DZIP3: variants seen among roughly 807,000 people sequenced by gnomAD.
DZIP3 encodes the protein DAZ interacting zinc finger protein 3, also known as E3 ubiquitin-protein ligase DZIP3.
In DZIP3, 118 loss-of-function variants were observed where a neutral mutation model predicts 162.0. The observed-to-expected ratio is 0.73, with a 90% CI of 0.63 to 0.85. The LOEUF is 0.85. Ranked by LOEUF, DZIP3 falls within the 40% of genes least tolerant of loss-of-function variation. The pLI is 0.00. For synonymous variants in DZIP3, 438 were observed against 458.6 expected (o/e 0.96, Z 0.57); for missense variants, 1,331 against 1,407.0 (o/e 0.95, Z 0.86).
In DZIP3 at chr3:108,594,412, CCCCTCCCCCCT is replaced by C. The variant is rs201383784; in HGVS notation, c.-73+4581_-73+4591del. Among the ~76,000 whole-genome samples the C allele has an allele frequency of 8.9e-3, 928 of 104,016 alleles. 18 individuals are homozygous for C. The highest frequency in any genetic ancestry group is 0.031 in the African/African-American group (853 of 27,626). The allele number at this position is 104,016 out of a possible 152,430, so 68.2% of individuals were successfully genotyped here. A position where few individuals can be genotyped will look rare whatever the true frequency, so the allele number is the denominator to read the frequency against. On this transcript the variant is annotated intron_variant, in intron 1 of 32. Coordinates refer to ENST00000361582, the MANE Select transcript of DZIP3 (RefSeq NM_014648.4). ...ATCTCTCTCTCTCTCTCTCCCCCCT[CCCCTCCCCCCT>C]CCCTCCCTGCTCCCCCCCCATATAT...
At chr3:108,649,142 G>A (rs763090719) in intron 17 of DZIP3, among the ~76,000 whole-genome samples, 180 bp downstream of exon 17, 25 of 151,694 alleles carry the variant, frequency 1.6e-4, no homozygotes, top group Non-Finnish European at 2.2e-4. Context: ...TTTGAAGTAC[G>A]AAATACAATT....
chr3:108,659,870 A>G (rs1202557496), intron 19 of DZIP3, among the ~76,000 whole-genome samples: 1 of 152,130 alleles, frequency 6.6e-6, no homozygotes, highest in African/African-American at 2.4e-5. Context: ...CCAAATCATG[A>G]GTGAACTCCC....
At chr3:108,688,225 C>T in intron 29 of DZIP3, 129 bp downstream of exon 29, 1 of 1,140,038 alleles carries the variant, frequency 8.8e-7, no homozygotes, top group Non-Finnish European at 1.2e-6. Context: ...CATCTATTAA[C>T]AGTAAATAAC....
intron 4 of DZIP3, among the ~76,000 whole-genome samples, chr3:108,611,919 A>G (rs945399330): frequency 1.3e-5 from 2 of 151,500 alleles, no homozygotes; most frequent in African/African-American, 4.9e-5. Flanking sequence ...AGCCGAGATC[A>G]TGCCACTGCA....
rs552962359 is a variant in DZIP3 at position 108,678,414 on chromosome 3, T to C, written c.2883+816T>C. Among the ~76,000 whole-genome samples, 9 of 152,176 alleles carry C rather than the reference T, an allele frequency of 5.9e-5. No homozygotes were observed. The East Asian group carries it at 1.4e-3, about 23-fold the overall frequency. Reference sequence around the variant, plus strand: ...AAACCAGTCCCTGGTGCCGAAAAGATTGGGGACCGCTGCACGAAATGACTG... The same window carrying C: ...AAACCAGTCCCTGGTGCCGAAAAGACTGGGGACCGCTGCACGAAATGACTG... On this transcript the variant is annotated intron_variant, in intron 26 of 32. Transcript: ENST00000361582.
At chr3:108,609,806 A>G (rs1576353985) in intron 3 of DZIP3, among the ~76,000 whole-genome samples, 1 of 152,132 alleles carries the variant, frequency 6.6e-6, no homozygotes, top group Non-Finnish European at 1.5e-5. Context: ...ATGCCACTGC[A>G]CTCCAGCCTA....
chr3:108,636,847 C>G (rs1942172118), intron 11 of DZIP3, 139 bp downstream of exon 11: 2 of 583,342 alleles, frequency 3.4e-6, no homozygotes, highest in Non-Finnish European at 6.0e-6. Context: ...GCTCTTGAAC[C>G]TTTTTATTAC....
At chr3:108,602,608 G>T (rs1023368062) in intron 1 of DZIP3, among the ~76,000 whole-genome samples, 2 of 152,172 alleles carry the variant, frequency 1.3e-5, no homozygotes, top group African/African-American at 4.8e-5. Context: ...GAATACGCTA[G>T]GGGAAACTAG....
intron 19 of DZIP3, among the ~76,000 whole-genome samples, chr3:108,658,136 G>A (rs563863354): frequency 0.028 from 4,302 of 152,034 alleles, 212 homozygotes; most frequent in African/African-American, 0.098. Context: ...TGCACCAAGC[G>A]GACCTAATAG....
At chr3:108,681,392 G>A (rs544483289) in intron 26 of DZIP3, among the ~76,000 whole-genome samples, 8 of 152,102 alleles carry the variant, frequency 5.3e-5, no homozygotes, top group East Asian at 3.9e-4. Context: ...ACCATCTCAC[G>A]CCAGTTAGAA....
In DZIP3 at chr3:108,669,757, C is replaced by A. The variant is rs770116109; in HGVS notation, c.2492+8C>A. On this transcript the variant is annotated splice_region_variant and intron_variant, in intron 22 of 32. Transcript: ENST00000361582. ...GCAACTTTCTATGAAAAGGTACAAA[C>A]TTAGCTTTTTCTTTGGGTGCACTCT... The A allele has an allele frequency of 6.2e-7, 1 of 1,604,102 alleles. No individual in the cohort carries two copies. The highest frequency in any genetic ancestry group is 8.5e-7 in the Non-Finnish European group (1 of 1,172,450).
At chr3:108,653,791 G>A (rs1942981654) in intron 18 of DZIP3, among the ~76,000 whole-genome samples, 1 of 151,908 alleles carries the variant, frequency 6.6e-6, no homozygotes, top group African/African-American at 2.4e-5. Flanking sequence ...AAATAATGTA[G>A]CAGATGTGGA....
intron 4 of DZIP3, among the ~76,000 whole-genome samples, chr3:108,613,094 A>G (rs1008153031): frequency 6.6e-6 from 1 of 152,116 alleles, no homozygotes; most frequent in African/African-American, 2.4e-5. Context: ...TCAATACTGC[A>G]TATTAAAACA....
At chr3:108,679,221 A>G (rs1334164079) in intron 26 of DZIP3, among the ~76,000 whole-genome samples, 2 of 152,090 alleles carry the variant, frequency 1.3e-5, no homozygotes, top group Non-Finnish European at 2.9e-5. Context: ...ATGGGTCCAG[A>G]GACTGTGAAG....
intron 4 of DZIP3, among the ~76,000 whole-genome samples, chr3:108,611,582 A>G (rs1305169101): frequency 1.3e-5 from 2 of 152,186 alleles, no homozygotes; most frequent in Middle Eastern, 3.2e-3. Context: ...TGTTGACTAC[A>G]AGGTCTAGTG....
chr3:108,599,244 C>T (rs1175145416), intron 1 of DZIP3, among the ~76,000 whole-genome samples: 1 of 152,104 alleles, frequency 6.6e-6, no homozygotes, highest in Non-Finnish European at 1.5e-5. Context: ...AAAATATCTT[C>T]CAGTTTCTGA....
chr3:108,617,839 C>T (rs1040165024), intron 5 of DZIP3, among the ~76,000 whole-genome samples: 2 of 152,186 alleles, frequency 1.3e-5, no homozygotes, highest in African/African-American at 2.4e-5. Flanking sequence ...TGAAACAAAT[C>T]AATGTGAAAT....
At position 108,630,373 on chromosome 3, in the gene DZIP3, A is replaced by G. The variant is rs569419702; in HGVS notation, c.696+1197A>G. Among the ~76,000 whole-genome samples the G allele has an allele frequency of 3.3e-5, 5 of 152,264 alleles. No individual in the cohort carries two copies. In the South Asian group the frequency reaches 6.2e-4, roughly 19 times the overall value. On this transcript the variant is annotated intron_variant, in intron 8 of 32. Coordinates refer to ENST00000361582, the MANE Select transcript of DZIP3 (RefSeq NM_014648.4). ...CAAAATAAAGAGAGACATTTTATTA[A>G]AATATAAAATTCAATTATCCAGGAA... is the stretch of plus-strand genomic sequence containing the variant.
At chr3:108,633,160 A>G in intron 9 of DZIP3, 88 bp downstream of exon 9, 1 of 611,584 alleles carries the variant, frequency 1.6e-6, no homozygotes. Context: ...TATATTATGT[A>G]TAAAATATTT....
Sources: allele counts gnomAD v4.1 joint callset (sites outside exome capture counted in the v4.1 genomes callset), GRCh38; gene constraint gnomAD v4.1.1; transcripts MANE v1.5; gene names NCBI Gene and HGNC (gene_info 2026-07-23, HGNC 2026-07-21).